The following SMYD3 variants were observed in gnomAD, a reference collection of about 807,000 sequenced individuals.
The protein encoded by SMYD3 is SET and MYND domain containing 3.
SMYD3 carries 36 observed loss-of-function variants against 57.7 expected under a neutral mutation model. The ratio of observed to expected loss-of-function variants is 0.62; its 90% CI spans 0.48 to 0.82. SMYD3 has a LOEUF of 0.82. SMYD3 is among the 40% of genes least tolerant of loss of function. The pLI is 0.00. For synonymous variants in SMYD3, 211 were observed against 195.0 expected (o/e 1.08, Z -0.68); for missense variants, 515 against 538.8 (o/e 0.96, Z 0.44).
intron 7 of SMYD3, among the ~76,000 whole-genome samples, chr1:245,920,213 A>T (rs191948660): frequency 1.1e-3 from 170 of 150,632 alleles, no homozygotes; most frequent in East Asian, 7.2e-3. Flanking sequence ...CTCGGGAGGC[A>T]GAGGCAGGAG....
intron 10 of SMYD3, among the ~76,000 whole-genome samples, chr1:245,854,736 C>G (rs984076967): frequency 1.3e-5 from 2 of 152,004 alleles, no homozygotes; most frequent in South Asian, 2.1e-4. Flanking sequence ...TTTCCCCCAG[C>G]AAGACAAGCA....
intron 4 of SMYD3, among the ~76,000 whole-genome samples, chr1:246,329,759 C>T (rs7514346): frequency 0.86 from 130,173 of 151,720 alleles, 56,152 homozygotes; most frequent in African/African-American, 0.92. Flanking sequence ...TAATTTATTA[C>T]CATGGGAACT....
intron 5 of SMYD3, among the ~76,000 whole-genome samples, chr1:246,139,767 A>G (rs1439951755): frequency 6.6e-6 from 1 of 152,226 alleles, no homozygotes; most frequent in East Asian, 1.9e-4. Flanking sequence ...GTTTTGTTCA[A>G]GCTAATGTTA....
chr1:246,318,431 C>A (rs1297922040), intron 5 of SMYD3, among the ~76,000 whole-genome samples: 1 of 152,130 alleles, frequency 6.6e-6, no homozygotes, highest in East Asian at 1.9e-4. Context: ...AAAGTGTGCT[C>A]CACAAAACGG....
At chr1:246,254,480 G>C (rs1042370644) in intron 5 of SMYD3, among the ~76,000 whole-genome samples, 2 of 152,144 alleles carry the variant, frequency 1.3e-5, no homozygotes, top group Non-Finnish European at 2.9e-5. Context: ...TCTCCACTCT[G>C]TTCCACTGGT....
intron 8 of SMYD3, among the ~76,000 whole-genome samples, chr1:245,889,663 C>A (rs1376586412): frequency 2.0e-5 from 3 of 152,156 alleles, no homozygotes; most frequent in East Asian, 1.9e-4. Context: ...TCTTACATGG[C>A]AAATTCTGAA....
intron 5 of SMYD3, among the ~76,000 whole-genome samples, chr1:246,103,819 C>T (rs2061063777): frequency 6.6e-6 from 1 of 152,188 alleles, no homozygotes. Flanking sequence ...ATTCTAGAAC[C>T]CACCCATCTG....
At chr1:245,898,077 T>G (rs1280113129) in intron 8 of SMYD3, among the ~76,000 whole-genome samples, 3 of 152,116 alleles carry the variant, frequency 2.0e-5, no homozygotes, top group African/African-American at 7.2e-5. Flanking sequence ...AAAGTAGTCT[T>G]TTAGGTTTGG....
intron 5 of SMYD3, among the ~76,000 whole-genome samples, chr1:246,004,020 G>A (rs1037967232): frequency 1.1e-4 from 6 of 56,864 alleles, no homozygotes; most frequent in Non-Finnish European, 4.3e-4. Flanking sequence ...CTCAGACCTC[G>A]ATTGGAATTC....
rs535056951 is a variant in SMYD3, at chr1:246,466,025, G to T, written c.164+41029C>A. Among the ~76,000 whole-genome samples the T allele has an allele frequency of 3.0e-3, 452 of 152,318 alleles. 1 individual carries two copies. Among genetic ancestry groups the T allele is most frequent in the Non-Finnish European group, 4.8e-3 (328 of 68,034 alleles). On this transcript the variant is annotated intron_variant, in intron 1 of 11. Coordinates refer to ENST00000490107, the MANE Select transcript of SMYD3 (RefSeq NM_001167740.2). ...GGCCTCGTGTGATCCACCTGCCTTG[G>T]CCTCCCAAAGTGCTGGGATTAGAGG... is the stretch of plus-strand genomic sequence containing the variant.
At chr1:246,358,532 G>A (rs1305724380) in intron 1 of SMYD3, among the ~76,000 whole-genome samples, 1 of 152,122 alleles carries the variant, frequency 6.6e-6, no homozygotes, top group Non-Finnish European at 1.5e-5. Flanking sequence ...TCAGCACATG[G>A]AAAATTCTCC....
chr1:246,243,707 T>A (rs2063655328), intron 5 of SMYD3, among the ~76,000 whole-genome samples: 1 of 152,048 alleles, frequency 6.6e-6, no homozygotes, highest in African/African-American at 2.4e-5. Context: ...ATCAAATGTT[T>A]TGTTATGAAA....
intron 8 of SMYD3, among the ~76,000 whole-genome samples, chr1:245,866,436 GAA>G (rs2051849973): frequency 6.6e-6 from 1 of 151,992 alleles, no homozygotes; most frequent in African/African-American, 2.4e-5. Context: ...ATGCCCTTAA[GAA>G]GGTAAACAAC....
intron 5 of SMYD3, among the ~76,000 whole-genome samples, chr1:246,231,098 G>T (rs2063402514): frequency 6.6e-6 from 1 of 152,184 alleles, no homozygotes; most frequent in African/African-American, 2.4e-5. Flanking sequence ...CCAGTGAGTT[G>T]TGTGGGTTAT....
intron 5 of SMYD3, among the ~76,000 whole-genome samples, chr1:246,178,535 G>T (rs1465520018): frequency 6.6e-6 from 1 of 152,126 alleles, no homozygotes; most frequent in Admixed American, 6.5e-5. Flanking sequence ...CATCATACCT[G>T]CTCGATCAAT....
At chr1:246,074,590 A>C (rs758156547) in intron 5 of SMYD3, among the ~76,000 whole-genome samples, 2 of 152,166 alleles carry the variant, frequency 1.3e-5, no homozygotes, top group Non-Finnish European at 2.9e-5. Flanking sequence ...ACACTAGATG[A>C]GTTTCTTGTT....
chr1:245,927,252 G>A (rs2056433336), intron 7 of SMYD3, among the ~76,000 whole-genome samples: 1 of 152,214 alleles, frequency 6.6e-6, no homozygotes, highest in Non-Finnish European at 1.5e-5. Context: ...CCCTGGAGCA[G>A]CCCGTTTGCA....
chr1:246,355,133 T>C lies in SMYD3; in HGVS notation c.165-39A>G. On this transcript the variant is annotated intron_variant, in intron 1 of 11. Coordinates refer to ENST00000490107, the MANE Select transcript of SMYD3 (RefSeq NM_001167740.2). The surrounding 1 kb of genome is among the most constrained non-coding windows in gnomAD (Gnocchi z 5.0). ...AATTAATTCTGCATTAAGAAATGAG[T>C]GGGAAACATAGTACATAGTTGAAGA... The C allele has an allele frequency of 1.3e-6, 2 of 1,583,838 alleles. No individual in the cohort carries two copies. Among genetic ancestry groups the C allele is most frequent in the Non-Finnish European group, 1.7e-6 (2 of 1,152,616 alleles).
intron 1 of SMYD3, among the ~76,000 whole-genome samples, chr1:246,423,169 T>C (rs914656171): frequency 1.3e-5 from 2 of 151,734 alleles, no homozygotes; most frequent in Admixed American, 1.3e-4. Context: ...TGGTGGCGCA[T>C]GCCTATAATC....
Sources: gnomAD v4.1 joint callset for allele counts (sites outside exome capture counted in the v4.1 genomes callset) on GRCh38, gnomAD v4.1.1 for gene constraint, Gnocchi (gnomAD v3.1) non-coding constraint, MANE v1.5 for transcripts, NCBI Gene and HGNC (gene_info 2026-07-23, HGNC 2026-07-21) for gene names.